The following FER1L6 variants were observed in gnomAD, a reference collection of about 807,000 sequenced individuals.
FER1L6 encodes fer-1-like protein 6.
Under a neutral mutation model 219.2 loss-of-function variants are expected in FER1L6, and 177 were observed. The observed-to-expected ratio is 0.81, with a 90% confidence interval of 0.71 to 0.91. The LOEUF is 0.91. Among genes scored for constraint, FER1L6 ranks in the 40% least tolerant of loss-of-function variants. The pLI is 0.00. For missense variants in FER1L6, 2,153 were observed against 2,259.9 expected (o/e 0.95, Z 0.96); for synonymous variants, 768 against 824.3 (o/e 0.93, Z 1.17).
chr8:124,104,911 T>C (rs1822701859), intron 39 of FER1L6, among the ~76,000 whole-genome samples: 1 of 152,198 alleles, frequency 6.6e-6, no homozygotes, highest in Non-Finnish European at 1.5e-5. Flanking sequence ...GAATAAGACA[T>C]GAGTAATACA....
At chr8:123,856,316 G>GTGTGTGTGTGTGTGTATATATA (rs71576706) in intron 1 of FER1L6, among the ~76,000 whole-genome samples, 2 of 45,112 alleles carry the variant, frequency 4.4e-5, no homozygotes, top group Non-Finnish European at 4.6e-5. Context: ...ATATGTATGT[G>GTGTGTGTGTGTGTGTATATATA]TATATATATA....
At chr8:124,062,226 G>A (rs1820619396) in intron 25 of FER1L6, among the ~76,000 whole-genome samples, 194 bp downstream of exon 25, 1 of 152,192 alleles carries the variant, frequency 6.6e-6, no homozygotes. Flanking sequence ...CATTGGGTCA[G>A]TAACTCTAAC....
rs541673665 is a variant in FER1L6 at position 124,056,268 on chromosome 8, C to T, written c.2875-3912C>T. Among the ~76,000 whole-genome samples, 10 of 152,338 alleles carry T rather than the reference C, an allele frequency of 6.6e-5. No homozygotes were observed. The South Asian group carries it at 1.9e-3, about 28-fold the overall frequency. ...TCTCAGCCTACCTACAGGGTTAGTGCACTACACACCCCCAAAAGGGGCCAC... is the reference window on the plus strand; with the variant it reads ...TCTCAGCCTACCTACAGGGTTAGTGTACTACACACCCCCAAAAGGGGCCAC... On this transcript the variant is annotated intron_variant, in intron 22 of 40. Coordinates refer to ENST00000522917, the MANE Select transcript of FER1L6 (RefSeq NM_001039112.2).
intron 15 of FER1L6, among the ~76,000 whole-genome samples, chr8:124,014,961 G>A (rs185103529): frequency 6.6e-5 from 10 of 152,250 alleles, no homozygotes; most frequent in African/African-American, 1.4e-4. Flanking sequence ...GATCACTCAC[G>A]TGGTTATTTG....
intron 13 of FER1L6, among the ~76,000 whole-genome samples, chr8:124,005,140 C>T (rs1817601406): frequency 6.9e-6 from 1 of 144,162 alleles, no homozygotes; most frequent in African/African-American, 2.8e-5. Flanking sequence ...GCCATTGGCA[C>T]CTTCACCTTA....
intron 1 of FER1L6, among the ~76,000 whole-genome samples, chr8:123,922,688 T>C (rs1474842138): frequency 6.6e-6 from 1 of 152,204 alleles, no homozygotes; most frequent in African/African-American, 2.4e-5. Context: ...GAAACTGACA[T>C]GTTTCTGGAC....
chr8:123,877,298 A>G (rs145540724), intron 1 of FER1L6, among the ~76,000 whole-genome samples: 85 of 152,208 alleles, frequency 5.6e-4, no homozygotes, highest in African/African-American at 1.8e-3. Context: ...GTTTTATCCA[A>G]CCCTCCTCTG....
At chr8:123,904,224 TTGTGTGTGTGTGTGTG>T (rs56224402) in intron 1 of FER1L6, among the ~76,000 whole-genome samples, 7 of 139,486 alleles carry the variant, frequency 5.0e-5, no homozygotes, top group East Asian at 4.2e-4. Context: ...CTCTGTATAT[TTGTGTGTGTGTGTGTG>T]TGTGTGTGTG....
intron 32 of FER1L6, among the ~76,000 whole-genome samples, chr8:124,078,201 ATGGG>A (rs1288123828): frequency 6.7e-6 from 1 of 149,648 alleles, no homozygotes; most frequent in Non-Finnish European, 1.5e-5. Flanking sequence ...GGATGGATGG[ATGGG>A]TGGGTGGGTG....
chr8:123,926,727 G>A (rs1393674871), intron 1 of FER1L6, among the ~76,000 whole-genome samples: 2 of 152,146 alleles, frequency 1.3e-5, no homozygotes, highest in African/African-American at 4.8e-5. Context: ...AAAACTGGAA[G>A]TTTTCTCTCA....
rs530376202 is a variant in FER1L6, at chr8:123,865,847, G to A, written c.-8+13662G>A. The stretch of plus-strand genomic sequence containing the variant: ...CCTCGCCCTGCTTTGGCTCACGCAC[G>A]GTGCGCGCACCCACTGGCCTGCGCC... On this transcript the variant is annotated intron_variant, in intron 1 of 40. Transcript: ENST00000522917. Among the ~76,000 whole-genome samples, 8 of 151,534 alleles carry A rather than the reference G, an allele frequency of 5.3e-5. No homozygotes were observed. The East Asian group carries it at 1.5e-3, about 29-fold the overall frequency.
At chr8:123,948,190 T>C (rs550096604) in intron 1 of FER1L6, among the ~76,000 whole-genome samples, 1 of 152,348 alleles carries the variant, frequency 6.6e-6, no homozygotes, top group South Asian at 2.1e-4. Context: ...ACATAACTTA[T>C]CCTCCATTTT....
At chr8:123,923,403 C>T (rs749231153) in intron 1 of FER1L6, among the ~76,000 whole-genome samples, 101 of 152,266 alleles carry the variant, frequency 6.6e-4, no homozygotes, top group Non-Finnish European at 9.8e-4. Context: ...ATGAAATTGC[C>T]ATCTGAATGG....
intron 39 of FER1L6, among the ~76,000 whole-genome samples, chr8:124,115,011 G>T (rs1823185112): frequency 2.0e-5 from 3 of 148,836 alleles, no homozygotes. Context: ...TCCAGTCAGG[G>T]GTGTGTTTTA....
chr8:124,073,130 T>C (rs1821148553), intron 31 of FER1L6, among the ~76,000 whole-genome samples: 1 of 152,208 alleles, frequency 6.6e-6, no homozygotes, highest in Admixed American at 6.5e-5. Flanking sequence ...AGAAATAGTA[T>C]GAACAGTAGG....
At chr8:123,872,225 A>G (rs557722373) in intron 1 of FER1L6, among the ~76,000 whole-genome samples, 1 of 152,274 alleles carries the variant, frequency 6.6e-6, no homozygotes, top group African/African-American at 2.4e-5. Flanking sequence ...CCATAATCCA[A>G]TCACCTCCCA....
chr8:124,055,241 C>T (rs923649774), intron 22 of FER1L6, among the ~76,000 whole-genome samples: 4 of 152,100 alleles, frequency 2.6e-5, no homozygotes, highest in African/African-American at 9.7e-5. Context: ...GAGTTTAAGA[C>T]CAGCCTAGGC....
At chr8:124,038,765 T>C (rs760137441) in intron 19 of FER1L6, among the ~76,000 whole-genome samples, 10 of 152,034 alleles carry the variant, frequency 6.6e-5, no homozygotes, top group Non-Finnish European at 1.5e-4. Flanking sequence ...GATGGCATTG[T>C]AGGGGGTGGA....
In FER1L6 at chr8:124,071,579, G is replaced by A; in HGVS notation, c.4040G>A (p.Gly1347Glu). 1.9e-6 allele frequency: 3 copies of A among 1,614,058 alleles called. No individual in the cohort carries two copies. Among genetic ancestry groups the A allele is most frequent in the Non-Finnish European group, 2.5e-6 (3 of 1,179,966 alleles). The change falls in exon 31 of 41, where the codon GGG becomes GAG. Residue 1347 changes from glycine to glutamate, a missense_variant. Transcript: ENST00000522917. ...EDSGQLRIQQGIPPNHPVTVL... is the reference protein window; with the variant it reads ...EDSGQLRIQQEIPPNHPVTVL... Reference sequence around the variant, plus strand: ...AGCGGGCAGCTGAGAATCCAGCAAGGGATTCCGCCCAATCACCCTGTCACA... The same window carrying A: ...AGCGGGCAGCTGAGAATCCAGCAAGAGATTCCGCCCAATCACCCTGTCACA...
Sources: gnomAD v4.1 joint callset for allele counts (sites outside exome capture counted in the v4.1 genomes callset) on GRCh38, gnomAD v4.1.1 for gene constraint, MANE v1.5 for transcripts, NCBI Gene and HGNC (gene_info 2026-07-23, HGNC 2026-07-21) for gene names.